Variants in MAP3K14 observed in about 807,000 individuals in gnomAD.
MAP3K14 encodes mitogen-activated protein kinase kinase kinase 14, also known as NF-kappa-beta-inducing kinase.
In MAP3K14, 16 loss-of-function variants were observed where a neutral mutation model predicts 99.2. The observed-to-expected ratio is 0.16, with a 90% CI of 0.11 to 0.24. The LOEUF is 0.24. MAP3K14 is among the 10% of genes least tolerant of loss of function. The pLI is 1.00. For synonymous variants in MAP3K14, 462 were observed against 492.4 expected (o/e 0.94, Z 0.82); for missense variants, 784 against 1,208.7 (o/e 0.65, Z 5.21).
intron 1 of MAP3K14, among the ~76,000 whole-genome samples, chr17:45,312,513 A>G (rs1034861113): frequency 1.3e-5 from 2 of 152,256 alleles, no homozygotes; most frequent in South Asian, 2.1e-4. Flanking sequence ...GTTTTGTATT[A>G]AGGTGAAAAA....
At chr17:45,266,288 T>C (rs2044081300) in intron 14 of MAP3K14, 1 of 426,164 alleles carries the variant, frequency 2.3e-6, no homozygotes, top group Admixed American at 3.8e-5. Flanking sequence ...AGGGGAACCT[T>C]CTGGGACTCC....
intron 1 of MAP3K14, among the ~76,000 whole-genome samples, chr17:45,304,010 CTTT>C (rs1026894731): frequency 2.3e-5 from 3 of 127,736 alleles, no homozygotes; most frequent in African/African-American, 2.8e-5. Flanking sequence ...CTTTTCTTTT[CTTT>C]TTTTTTTTTT....
chr17:45,290,389 G>C, intron 2 of MAP3K14, 101 bp downstream of exon 2: 1 of 1,408,826 alleles, frequency 7.1e-7, no homozygotes, highest in South Asian at 1.3e-5. Flanking sequence ...TTATCTAGCA[G>C]TGACACAGAC....
intron 6 of MAP3K14, among the ~76,000 whole-genome samples, chr17:45,284,001 G>A (rs930341415): frequency 3.9e-5 from 6 of 152,120 alleles, no homozygotes; most frequent in African/African-American, 1.4e-4. Context: ...AGCCGCCACC[G>A]ATGCTCCCTC....
intron 9 of MAP3K14, among the ~76,000 whole-genome samples, chr17:45,271,693 G>A (rs1301526952): frequency 1.3e-5 from 2 of 152,240 alleles, no homozygotes; most frequent in Non-Finnish European, 2.9e-5. Context: ...AGTCAGACTT[G>A]TAGGGAGGAG....
Position 45,267,297 on chromosome 17 carries a change from G to A in MAP3K14, c.2327-99C>T, listed in dbSNP as rs750751813. Reference sequence around the variant, plus strand: ...ACAGTCGGTAGAAGCTGAGCTGCTGGGGAAGGGGCTGGAAGAAAGCCCACA... The same window carrying A: ...ACAGTCGGTAGAAGCTGAGCTGCTGAGGAAGGGGCTGGAAGAAAGCCCACA... On this transcript the variant is annotated intron_variant, in intron 12 of 15. Coordinates refer to ENST00000344686, the MANE Select transcript of MAP3K14 (RefSeq NM_003954.5). The surrounding 1 kb of genome is among the most constrained non-coding windows in gnomAD (Gnocchi z 5.1). 6.4e-6 allele frequency: 9 copies of A among 1,407,380 alleles called. No homozygotes were observed. Among genetic ancestry groups the A allele is most frequent in the Non-Finnish European group, 8.8e-6 (9 of 1,017,228 alleles). 87.2% of individuals were successfully genotyped at this position (1,407,380 alleles called of 1,614,324 possible).
intron 1 of MAP3K14, among the ~76,000 whole-genome samples, chr17:45,302,464 C>T (rs1007053404): frequency 6.6e-5 from 10 of 152,064 alleles, no homozygotes; most frequent in Non-Finnish European, 1.5e-4. Flanking sequence ...CCTGCCACCA[C>T]ACCCGGCTAA....
At chr17:45,290,196 C>G (rs963737629) in intron 2 of MAP3K14, among the ~76,000 whole-genome samples, 1 of 152,200 alleles carries the variant, frequency 6.6e-6, no homozygotes, top group African/African-American at 2.4e-5. Context: ...AAGGTCACAG[C>G]AGAAGGTTGA....
intron 1 of MAP3K14, among the ~76,000 whole-genome samples, chr17:45,309,328 G>A (rs557576931): frequency 6.6e-6 from 1 of 152,322 alleles, no homozygotes; most frequent in South Asian, 2.1e-4. Flanking sequence ...GGCTCAGGCT[G>A]GAAAAGGAGG....
chr17:45,273,223 G>C (rs2044153375), intron 9 of MAP3K14, among the ~76,000 whole-genome samples: 1 of 152,214 alleles, frequency 6.6e-6, no homozygotes, highest in Non-Finnish European at 1.5e-5. Context: ...AGAGGTAGGA[G>C]CCACGGGGAC....
At chr17:45,310,710 T>C (rs1353942889) in intron 1 of MAP3K14, among the ~76,000 whole-genome samples, 3 of 152,158 alleles carry the variant, frequency 2.0e-5, no homozygotes, top group African/African-American at 2.4e-5. Context: ...TAATCAATCA[T>C]TGAAAGTTAC....
intron 10 of MAP3K14, 124 bp from the exon 11 acceptor site, chr17:45,270,687 A>G: frequency 7.6e-7 from 1 of 1,323,574 alleles, no homozygotes; most frequent in Non-Finnish European, 1.0e-6. Context: ...ACCACAAGGA[A>G]TGGAGGGGTC....
At position 45,271,232 on chromosome 17, in the gene MAP3K14, G is replaced by A; in HGVS notation, c.1658-11C>T. 1 of 1,596,802 alleles carries A rather than the reference G, an allele frequency of 6.3e-7. No individual in the cohort carries two copies. The highest frequency in any genetic ancestry group is 8.5e-7 in the Non-Finnish European group (1 of 1,175,078). ...CAGGGATGTAGTCCCCTGAGAAGGG[G>A]GATGAGACATAAAGTTACCTGGAAT... On this transcript the variant is annotated splice_polypyrimidine_tract_variant and intron_variant, in intron 9 of 15. Transcript: ENST00000344686.
At chr17:45,315,509 CAG>C (rs1474780999) in intron 1 of MAP3K14, among the ~76,000 whole-genome samples, 3 of 152,136 alleles carry the variant, frequency 2.0e-5, no homozygotes, top group African/African-American at 4.8e-5. Flanking sequence ...CTGAAAAATT[CAG>C]AGGTCTGGCA....
chr17:45,292,091 C>T (rs545863342), intron 1 of MAP3K14, among the ~76,000 whole-genome samples: 133 of 152,332 alleles, frequency 8.7e-4, no homozygotes, highest in African/African-American at 2.7e-3. Flanking sequence ...GCTTGGCTGG[C>T]GGGTGTGGTG....
Position 45,266,575 on chromosome 17 carries a change from G to A in MAP3K14, c.2540C>T (p.Ala847Val). ...ARSSSWNMVL[A>V]RGRPTDTPSY... ...TGGGGTGTCGGTGGGCCGCCCCCGG[G>A]CCAGCACCATGTTCCAGCTGGAGCT... The change falls in exon 14 of 16, where the codon GCC becomes GTC. Residue 847 changes from alanine (A) to valine (V), a missense_variant. By Grantham distance (64) the Ala-to-Val change is moderately conservative. This residue lies in a region of MAP3K14 where 130 missense variants were observed against 220.4 expected (regional missense o/e 0.59). Transcript: ENST00000344686. The A allele has an allele frequency of 6.2e-7, 1 of 1,613,330 alleles. No individual in the cohort carries two copies.
At position 45,273,000 on chromosome 17, in the gene MAP3K14, T is replaced by C. The variant is rs1224484556; in HGVS notation, c.1657+503A>G. Among the ~76,000 whole-genome samples, 1 of 152,230 alleles carries C rather than the reference T, an allele frequency of 6.6e-6. No homozygotes were observed. Among genetic ancestry groups the C allele is most frequent in the Non-Finnish European group, 1.5e-5 (1 of 68,042 alleles). On this transcript the variant is annotated intron_variant, in intron 9 of 15. Transcript: ENST00000344686. The surrounding 1 kb of genome is among the most constrained non-coding windows in gnomAD (Gnocchi z 4.1). Reference sequence around the variant, plus strand: ...TGGGTAAGAGACATGGTGAGAATTCTGTTCTCTGCCTCTTTTATATGCTTA... The same window carrying C: ...TGGGTAAGAGACATGGTGAGAATTCCGTTCTCTGCCTCTTTTATATGCTTA...
At chr17:45,291,403 A>G (rs1368271722) in intron 1 of MAP3K14, among the ~76,000 whole-genome samples, 5 of 152,204 alleles carry the variant, frequency 3.3e-5, no homozygotes, top group Non-Finnish European at 7.3e-5. Context: ...GGCTCTCCAG[A>G]AGGAACTAAC....
chr17:45,285,740 T>G (rs1021374142), intron 5 of MAP3K14, among the ~76,000 whole-genome samples: 3 of 152,056 alleles, frequency 2.0e-5, no homozygotes, highest in African/African-American at 7.2e-5. Flanking sequence ...AGGATTGCTT[T>G]AGCCCAGGAG....
Sources: allele counts gnomAD v4.1 joint callset (sites outside exome capture counted in the v4.1 genomes callset), GRCh38; gene constraint gnomAD v4.1.1; regional missense constraint gnomAD v4.1.1; non-coding constraint Gnocchi (gnomAD v3.1); transcripts MANE v1.5; gene names NCBI Gene and HGNC (gene_info 2026-07-23, HGNC 2026-07-21).